SLC60A1: variants seen among roughly 807,000 people sequenced by gnomAD.
The protein encoded by SLC60A1 is solute carrier family 60 member 1.
the SLC60A1 span, among the ~76,000 whole-genome samples, chr1:205,570,382 G>GA: frequency 2.6e-5 from 4 of 152,124 alleles, no homozygotes; most frequent in African/African-American, 4.8e-5. Flanking sequence ...CCGGCCTGGA[G>GA]AAAAAACCGC....
chr1:205,580,640 C>CCCCCCCT, the SLC60A1 span: 2 of 1,588,066 alleles, frequency 1.3e-6, no homozygotes, highest in Admixed American at 1.7e-5. This position sits in a 1 kb window ranked among gnomAD's most constrained non-coding sequence, Gnocchi z 5.0. Context: ...CCCCCACCCG[C>CCCCCCCT]CACCTCTCCT....
the SLC60A1 span, chr1:205,597,627 C>T: frequency 5.9e-5 from 41 of 691,872 alleles, 1 homozygote; most frequent in Admixed American, 2.9e-4. Flanking sequence ...AACTCCTGGC[C>T]TCAAGAGATC....
At chr1:205,590,630 C>T in the SLC60A1 span, among the ~76,000 whole-genome samples, 530 of 152,300 alleles carry the variant, frequency 3.5e-3, 1 homozygote, top group Non-Finnish European at 5.8e-3. Context: ...GAGCAACTCT[C>T]CCAGGATCGG....
At chr1:205,592,585 T>A in the SLC60A1 span, among the ~76,000 whole-genome samples, 10 of 151,828 alleles carry the variant, frequency 6.6e-5, no homozygotes, top group African/African-American at 2.4e-4. Context: ...TGTGCTCTTC[T>A]AGGCCAGCAC....
At chr1:205,594,794 T>C in the SLC60A1 span, among the ~76,000 whole-genome samples, 2 of 152,192 alleles carry the variant, frequency 1.3e-5, no homozygotes, top group Non-Finnish European at 2.9e-5. Flanking sequence ...CCCAGGTTTT[T>C]CCAAGTTCTA....
the SLC60A1 span, chr1:205,599,225 A>G: frequency 6.6e-5 from 107 of 1,613,832 alleles, 2 homozygotes; most frequent in Middle Eastern, 4.9e-4. Context: ...CTGTTTTTCC[A>G]CAGGATGCAC....
chr1:205,580,940 G>A, the SLC60A1 span: 6 of 1,609,632 alleles, frequency 3.7e-6, no homozygotes, highest in Non-Finnish European at 4.2e-6. The surrounding 1 kb of genome is among the most constrained non-coding windows in gnomAD (Gnocchi z 5.0). Context: ...CCCTGGGGTG[G>A]GCCAGGTAGG....
the SLC60A1 span, chr1:205,600,134 A>C: frequency 2.7e-6 from 1 of 371,934 alleles, no homozygotes; most frequent in African/African-American, 2.1e-5. Flanking sequence ...CCTACATTCA[A>C]TTAATATTTG....
At chr1:205,575,837 G>A in the SLC60A1 span, among the ~76,000 whole-genome samples, 2 of 152,166 alleles carry the variant, frequency 1.3e-5, no homozygotes, top group African/African-American at 4.8e-5. Flanking sequence ...GTCTCTCTGG[G>A]CCTTGGGGAA....
the SLC60A1 span, chr1:205,598,921 C>G: frequency 1.6e-6 from 1 of 616,670 alleles, no homozygotes; most frequent in Non-Finnish European, 2.8e-6. Flanking sequence ...CAGGTCCAGT[C>G]CCTGCCTTAG....
chr1:205,588,242 C>A, the SLC60A1 span, among the ~76,000 whole-genome samples: 1 of 151,988 alleles, frequency 6.6e-6, no homozygotes, highest in South Asian at 2.1e-4. Context: ...GAGGCCGAGG[C>A]GGGTGGATCA....
the SLC60A1 span, chr1:205,583,947 CT>C: frequency 1.9e-6 from 3 of 1,611,584 alleles, no homozygotes; most frequent in Non-Finnish European, 2.5e-6. Context: ...CCTCTGCCTG[CT>C]CCCCAGCTTC....
the SLC60A1 span, among the ~76,000 whole-genome samples, chr1:205,578,857 C>T: frequency 6.6e-6 from 1 of 152,146 alleles, no homozygotes; most frequent in Non-Finnish European, 1.5e-5. Context: ...TGCCTGCTGC[C>T]CAATCTCTCC....
the SLC60A1 span, among the ~76,000 whole-genome samples, chr1:205,571,076 A>G: frequency 6.6e-6 from 1 of 152,252 alleles, no homozygotes; most frequent in Admixed American, 6.5e-5. Context: ...GAGAAAAAAA[A>G]TCATGGTAAC....
the SLC60A1 span, among the ~76,000 whole-genome samples, chr1:205,583,378 A>G: frequency 1.3e-5 from 2 of 152,212 alleles, no homozygotes; most frequent in East Asian, 1.9e-4. Flanking sequence ...TAGGATCAAC[A>G]TCACCAAGGC....
At chr1:205,596,544 C>CAAAAAAAAAAAAAAAAAAA in the SLC60A1 span, among the ~76,000 whole-genome samples, 3 of 49,134 alleles carry the variant, frequency 6.1e-5, no homozygotes, top group Non-Finnish European at 6.8e-5. Context: ...GACTCTGTCT[C>CAAAAAAAAAAAAAAAAAAA]AAAAAAAAAA....
chr1:205,593,197 G>C, the SLC60A1 span, among the ~76,000 whole-genome samples: 1 of 152,044 alleles, frequency 6.6e-6, no homozygotes, highest in Non-Finnish European at 1.5e-5. Flanking sequence ...CTGGCCGCGC[G>C]GGGTGGCTCA....
the SLC60A1 span, chr1:205,569,038 G>A: frequency 1.4e-6 from 2 of 1,413,236 alleles, no homozygotes; most frequent in Non-Finnish European, 1.9e-6. Context: ...GGGCTCGCCG[G>A]GACCAGATCC....
the SLC60A1 span, among the ~76,000 whole-genome samples, chr1:205,590,377 A>G: frequency 1.3e-5 from 2 of 152,246 alleles, no homozygotes; most frequent in African/African-American, 4.8e-5. Flanking sequence ...TATGACTTTC[A>G]TATTTTTACT....
Sources: gnomAD v4.1 joint callset for allele counts (sites outside exome capture counted in the v4.1 genomes callset) on GRCh38, gnomAD v4.1.1 for gene constraint, Gnocchi (gnomAD v3.1) non-coding constraint, MANE v1.5 for transcripts, NCBI Gene and HGNC (gene_info 2026-07-23, HGNC 2026-07-21) for gene names.